The following DKK2 variants were observed in gnomAD, a reference collection of about 807,000 sequenced individuals.
The protein encoded by DKK2 is dickkopf Wnt signaling pathway inhibitor 2.
In DKK2, 11 loss-of-function variants were observed where a neutral mutation model predicts 28.1. The observed-to-expected ratio is 0.39, with a 90% CI of 0.25 to 0.65. The LOEUF is 0.65. Ranked by LOEUF, DKK2 falls within the 30% of genes least tolerant of loss-of-function variation. DKK2 has a pLI of 0.47. For synonymous variants in DKK2, 135 were observed against 126.5 expected (o/e 1.07, Z -0.45); for missense variants, 326 against 335.5 (o/e 0.97, Z 0.22).
At chr4:106,981,254 A>G (rs1483644265) in intron 1 of DKK2, among the ~76,000 whole-genome samples, 2 of 152,198 alleles carry the variant, frequency 1.3e-5, no homozygotes, top group South Asian at 4.1e-4. Flanking sequence ...TAAAAATATT[A>G]TAATTTCATA....
intron 1 of DKK2, among the ~76,000 whole-genome samples, chr4:106,990,419 A>G (rs1430931826): frequency 6.6e-6 from 1 of 152,186 alleles, no homozygotes; most frequent in African/African-American, 2.4e-5. Context: ...CTGTATGGAG[A>G]GAGCCCCCTT....
chr4:106,987,571 A>C (rs918366513), intron 1 of DKK2, among the ~76,000 whole-genome samples: 1 of 151,696 alleles, frequency 6.6e-6, no homozygotes, highest in Non-Finnish European at 1.5e-5. Context: ...CAGGATCCCA[A>C]CTAGCCACTC....
chr4:106,970,538 G>A (rs1578362314), intron 1 of DKK2, among the ~76,000 whole-genome samples: 1 of 151,938 alleles, frequency 6.6e-6, no homozygotes, highest in South Asian at 2.1e-4. Context: ...CCCATGGCAC[G>A]CTCATCATCA....
At chr4:106,969,037 C>T (rs1243595007) in intron 1 of DKK2, among the ~76,000 whole-genome samples, 1 of 151,610 alleles carries the variant, frequency 6.6e-6, no homozygotes, top group African/African-American at 2.4e-5. Flanking sequence ...AGCATTTGAG[C>T]AAAAGTACAT....
At position 106,923,933 on chromosome 4, in the gene DKK2, G is replaced by T; in HGVS notation, c.*21C>A. 1 of 1,609,210 alleles carries T rather than the reference G, an allele frequency of 6.2e-7. No homozygotes were observed. The highest frequency in any genetic ancestry group is 2.2e-5 in the East Asian group (1 of 44,732). On this transcript the variant is annotated 3_prime_UTR_variant, in exon 4 of 4. Transcript: ENST00000285311. ...ATACACAACTTCACAGTCTGCAATT[G>T]ATGATGTTCCTCAATGGTGATCAAA... is the stretch of plus-strand genomic sequence containing the variant.
chr4:107,012,761 C>T (rs1723534698), intron 1 of DKK2, among the ~76,000 whole-genome samples: 1 of 151,018 alleles, frequency 6.6e-6, no homozygotes, highest in Non-Finnish European at 1.5e-5. Flanking sequence ...CATATGCTCT[C>T]TATAAATTAC....
At chr4:107,020,265 TA>T (rs1284678535) in intron 1 of DKK2, among the ~76,000 whole-genome samples, 1 of 152,084 alleles carries the variant, frequency 6.6e-6, no homozygotes, top group Admixed American at 6.6e-5. Context: ...TGAGAATTTT[TA>T]AAAAGACCAA....
In DKK2 at chr4:106,988,343, G is replaced by A. The variant is rs1057161736; in HGVS notation, c.222+47027C>T. Among the ~76,000 whole-genome samples, 3 of 152,148 alleles carry A rather than the reference G, an allele frequency of 2.0e-5. No homozygotes were observed. In the East Asian group the frequency reaches 5.8e-4, roughly 29 times the overall value. The stretch of plus-strand genomic sequence containing the variant: ...TTTTCAGTTTCAAAGTCATTCAGAT[G>A]TGAGAACATCTAGGTGGTCACACAA... On this transcript the variant is annotated intron_variant, in intron 1 of 3. Transcript: ENST00000285311.
intron 1 of DKK2, among the ~76,000 whole-genome samples, chr4:106,980,419 C>A (rs889592380): frequency 2.0e-5 from 3 of 152,022 alleles, no homozygotes; most frequent in African/African-American, 7.2e-5. Flanking sequence ...CATAACATTT[C>A]TGCATATTAT....
chr4:106,993,916 G>T (rs1723237411), intron 1 of DKK2, among the ~76,000 whole-genome samples: 1 of 152,086 alleles, frequency 6.6e-6, no homozygotes, highest in Admixed American at 6.6e-5. Context: ...ATGAGATGGA[G>T]AATTTATATG....
intron 1 of DKK2, among the ~76,000 whole-genome samples, chr4:106,972,085 A>G (rs1230936822): frequency 2.0e-5 from 3 of 152,102 alleles, no homozygotes. Context: ...TAAATCTTTT[A>G]CTAATACACT....
At chr4:106,984,237 G>T (rs1238728813) in intron 1 of DKK2, among the ~76,000 whole-genome samples, 1 of 152,166 alleles carries the variant, frequency 6.6e-6, no homozygotes, top group Non-Finnish European at 1.5e-5. Flanking sequence ...TAAGTGTACA[G>T]TTTTGTTACA....
intron 1 of DKK2, among the ~76,000 whole-genome samples, chr4:106,962,491 ATGTGTGTGTGTGTGTG>A (rs59831895): frequency 0.038 from 4,494 of 117,676 alleles, 101 homozygotes; most frequent in Non-Finnish European, 0.054. Context: ...CAGAAAAACT[ATGTGTGTGTGTGTGTG>A]TGTGTGTGTG....
At chr4:107,027,518 C>T (rs1334602578) in intron 1 of DKK2, among the ~76,000 whole-genome samples, 1 of 151,836 alleles carries the variant, frequency 6.6e-6, no homozygotes, top group East Asian at 1.9e-4. Flanking sequence ...TTTCTGAGTC[C>T]TCCTGGAAGA....
intron 1 of DKK2, among the ~76,000 whole-genome samples, chr4:106,967,432 G>A (rs532696591): frequency 5.7e-4 from 87 of 152,194 alleles, no homozygotes; most frequent in Non-Finnish European, 1.1e-3. Flanking sequence ...AAAGTGAAAA[G>A]GCCTATGTCA....
At chr4:107,031,849 A>C (rs960931398) in intron 1 of DKK2, among the ~76,000 whole-genome samples, 1 of 151,936 alleles carries the variant, frequency 6.6e-6, no homozygotes, top group Admixed American at 6.6e-5. Context: ...GGGTTTTTAA[A>C]ATTTGTTTTG....
chr4:107,012,452 A>G (rs1723530148), intron 1 of DKK2, among the ~76,000 whole-genome samples: 1 of 151,296 alleles, frequency 6.6e-6, no homozygotes, highest in Non-Finnish European at 1.5e-5. Flanking sequence ...AATAGGATGG[A>G]GATGTGTTTT....
At chr4:106,936,939 C>A (rs1724598794) in intron 1 of DKK2, among the ~76,000 whole-genome samples, 1 of 151,742 alleles carries the variant, frequency 6.6e-6, no homozygotes, top group African/African-American at 2.4e-5. Flanking sequence ...CACCACCAGG[C>A]CTGCCCTAAA....
chr4:106,982,346 G>GCAAAT (rs1170762314), intron 1 of DKK2, among the ~76,000 whole-genome samples: 1 of 152,164 alleles, frequency 6.6e-6, no homozygotes, highest in East Asian at 1.9e-4. Flanking sequence ...GCGTAAGTTA[G>GCAAAT]TGTACTCATC....
Sources: allele counts gnomAD v4.1 joint callset (sites outside exome capture counted in the v4.1 genomes callset), GRCh38; gene constraint gnomAD v4.1.1; transcripts MANE v1.5; gene names NCBI Gene and HGNC (gene_info 2026-07-23, HGNC 2026-07-21).